TBCD: variants seen among roughly 807,000 people sequenced by gnomAD.
The protein encoded by TBCD is tubulin folding cofactor D.
In TBCD, 105 loss-of-function variants were observed where a neutral mutation model predicts 169.3. That is an observed-to-expected ratio of 0.62 (90% confidence interval 0.53 to 0.73). The LOEUF (loss-of-function observed/expected upper bound fraction) is 0.73, where lower values mean the gene tolerates loss of function less well. TBCD is among the 30% of genes least tolerant of loss of function. The pLI, the probability that TBCD is intolerant of heterozygous loss-of-function variation, is 0.00. For missense variants in TBCD, 1,444 were observed against 1,600.1 expected, an observed-to-expected ratio of 0.90 and a Z score of 1.66; for synonymous variants, 700 against 643.9, an observed-to-expected ratio of 1.09 and a Z score of -1.32.
rs1308572926 is a variant in TBCD at position 82,874,822 on chromosome 17, GACC to G, written c.1475+4445_1475+4447del. Among the ~76,000 whole-genome samples the G allele has an allele frequency of 6.6e-6, 1 of 152,202 alleles. No homozygotes were observed. The highest frequency in any genetic ancestry group is 2.4e-5 in the African/African-American group (1 of 41,452). On this transcript the variant is annotated intron_variant, in intron 14 of 38. Transcript: ENST00000355528. The surrounding 1 kb of genome is among the most constrained non-coding windows in gnomAD (Gnocchi z 5.0). Reference sequence around the variant, plus strand: ...CTCCCTCCCTTGGTTTGTCATAGGTGACCACATTTTAATTACCAGCTTTTATGC... The same window carrying G: ...CTCCCTCCCTTGGTTTGTCATAGGTGACATTTTAATTACCAGCTTTTATGC...
In TBCD at chr17:82,752,226, C is replaced by A. The variant is rs773849891; in HGVS notation, c.33C>A (p.Gly11=). 6.6e-7 allele frequency: 1 copy of A among 1,525,528 alleles called. No individual in the cohort carries two copies. The highest frequency in any genetic ancestry group is 1.2e-5 in the South Asian group (1 of 82,452). The allele number at this position is 1,525,528 out of a possible 1,614,324, so 94.5% of individuals were successfully genotyped here. The change falls in exon 1 of 39, where the codon GGC becomes GGA. Residue 11 remains glycine (G), a synonymous_variant. Transcript: ENST00000355528. MALSDEPAAG[G]PEEEAEDETL... is the part of the protein sequence containing the mutation. Reference sequence around the variant, plus strand: ...TGAGCGACGAACCGGCCGCGGGCGGCCCCGAGGAGGAGGCGGAGGACGAGA... The same window carrying A: ...TGAGCGACGAACCGGCCGCGGGCGGACCCGAGGAGGAGGCGGAGGACGAGA...
chr17:82,869,516 T>C (rs72634343), intron 13 of TBCD, among the ~76,000 whole-genome samples: 34,774 of 152,066 alleles, frequency 0.23, 4,331 homozygotes, highest in East Asian at 0.45. Context: ...CCAGACCCTG[T>C]CTCAAAAAAA....
chr17:82,865,001 G>T (rs1028977654), intron 13 of TBCD, among the ~76,000 whole-genome samples: 2 of 152,348 alleles, frequency 1.3e-5, no homozygotes, highest in Non-Finnish European at 2.9e-5. Flanking sequence ...GTGCAGCGTT[G>T]CAGGTGCAGC....
At chr17:82,768,332 C>T (rs1415291271) in intron 4 of TBCD, 88 bp from the exon 5 acceptor site, 2 of 1,498,754 alleles carry the variant, frequency 1.3e-6, no homozygotes, top group Non-Finnish European at 1.8e-6. Flanking sequence ...ATTGGGTGGG[C>T]ATGGAGGGCA....
intron 13 of TBCD, chr17:82,860,489 G>A: frequency 4.1e-6 from 4 of 965,576 alleles, no homozygotes; most frequent in Non-Finnish European, 4.9e-6. Context: ...AGGAGATCCT[G>A]AGGCTGATTA....
rs900798128 is a variant in TBCD, at chr17:82,795,505, A to T, written c.772-2252A>T. 49 of 984,528 alleles carry T rather than the reference A, an allele frequency of 5.0e-5. No individual in the cohort carries two copies. The South Asian group carries it at 1.9e-3, about 39-fold the overall frequency. The allele number at this position is 984,528 out of a possible 1,614,324, so 61.0% of individuals were successfully genotyped here. A position where few individuals can be genotyped will look rare whatever the true frequency, so the allele number is the denominator to read the frequency against. ...TCTGTAGCGGTCTTCGTTGTTGAGCACTTCACTGTTCATCCCCAGGTTCTC... is the reference window on the plus strand; with the variant it reads ...TCTGTAGCGGTCTTCGTTGTTGAGCTCTTCACTGTTCATCCCCAGGTTCTC... On this transcript the variant is annotated intron_variant, in intron 7 of 38. Transcript: ENST00000355528.
Position 82,923,424 on chromosome 17 carries a change from G to A in TBCD, c.2179-228G>A, listed in dbSNP as rs1005633651. 3.3e-5 allele frequency among the ~76,000 whole-genome samples: 5 copies of A among 152,148 alleles called. No homozygotes were observed. The highest frequency in any genetic ancestry group is 7.4e-5 in the Non-Finnish European group (5 of 68,022). On this transcript the variant is annotated intron_variant, in intron 25 of 38. Transcript: ENST00000355528. This position sits in a 1 kb window ranked among gnomAD's most constrained non-coding sequence, Gnocchi z 4.6. ...GGTGACCCGCTGTGTCCCTGGTCAG[G>A]TCCTTCTCTGACCTCAAGGGTGACC...
chr17:82,909,446 G>T (rs139486335), intron 22 of TBCD, 139 bp downstream of exon 22: 19 of 556,512 alleles, frequency 3.4e-5, no homozygotes, highest in African/African-American at 3.2e-4. Flanking sequence ...CACCCGGCCC[G>T]CTGTGGGAGG....
chr17:82,844,942 A>G (rs4986115), intron 13 of TBCD, among the ~76,000 whole-genome samples: 151,260 of 152,210 alleles, frequency 0.99, 75,165 homozygotes, highest in East Asian at 1. Context: ...GGTCGGGAAC[A>G]TGGCCGAGGT....
At chr17:82,911,627 G>A in intron 22 of TBCD, 131 bp from the exon 23 acceptor site, 1 of 873,586 alleles carries the variant, frequency 1.1e-6, no homozygotes, top group Non-Finnish European at 1.8e-6. Context: ...GGTTGCTCAT[G>A]CTCAGTAACA....
rs1465295465 is a variant in TBCD at position 82,831,149 on chromosome 17, T to C, written c.1318+16215T>C. On this transcript the variant is annotated intron_variant, in intron 13 of 38. Transcript: ENST00000355528. This position sits in a 1 kb window ranked among gnomAD's most constrained non-coding sequence, Gnocchi z 4.6. ...CTTCCCAGTGCGCTGGAGGCTGCCT[T>C]GTTGGAGAGGTCGTACAGGCCTTCG... 6.2e-7 allele frequency: 1 copy of C among 1,614,048 alleles called. No homozygotes were observed. Among genetic ancestry groups the C allele is most frequent in the Admixed American group, 1.7e-5 (1 of 60,010 alleles).
At chr17:82,780,953 G>A (rs2048907498) in intron 6 of TBCD, among the ~76,000 whole-genome samples, 1 of 151,998 alleles carries the variant, frequency 6.6e-6, no homozygotes, top group Non-Finnish European at 1.5e-5. Flanking sequence ...CCAGATTTGG[G>A]CTTTTGGTTT....
intron 14 of TBCD, among the ~76,000 whole-genome samples, chr17:82,873,454 G>C (rs8075467): frequency 5.9e-5 from 9 of 152,110 alleles, no homozygotes; most frequent in South Asian, 4.2e-4. Flanking sequence ...CCACTGGAGG[G>C]TGACTGTAAT....
chr17:82,830,913 G>A (rs756338989), intron 13 of TBCD: 3 of 1,612,872 alleles, frequency 1.9e-6, no homozygotes, highest in Non-Finnish European at 2.5e-6. Flanking sequence ...GTAGGAGCTT[G>A]CTTAGAAAAG....
At chr17:82,916,744 G>A (rs763460502) in intron 23 of TBCD, among the ~76,000 whole-genome samples, 12 of 152,004 alleles carry the variant, frequency 7.9e-5, no homozygotes, top group African/African-American at 1.2e-4. Flanking sequence ...CACTTTTACC[G>A]TGATATTCCT....
Position 82,922,373 on chromosome 17 carries a change from CAAAAACAAAAACAAAA to C in TBCD, c.2178+801_2178+816del, listed in dbSNP as rs1171887085. On this transcript the variant is annotated intron_variant, in intron 25 of 38. Transcript: ENST00000355528. This position sits in a 1 kb window ranked among gnomAD's most constrained non-coding sequence, Gnocchi z 4.1. Reference sequence around the variant, plus strand: ...CAAGACCCTGCCTCAAAAACAAAAACAAAAACAAAAACAAAAAAAACCATGGTTACCAACGTTGACT... The same window carrying C: ...CAAGACCCTGCCTCAAAAACAAAAACAAAACCATGGTTACCAACGTTGACT... Among the ~76,000 whole-genome samples the C allele has an allele frequency of 4.4e-5, 3 of 67,692 alleles. No homozygotes were observed. The highest frequency in any genetic ancestry group is 8.5e-5 in the Non-Finnish European group (3 of 35,232). The allele number at this position is 67,692 out of a possible 152,430, so 44.4% of individuals were successfully genotyped here. A position where few individuals can be genotyped will look rare whatever the true frequency, so the allele number is the denominator to read the frequency against.
At chr17:82,830,427 C>T (rs1298139075) in intron 13 of TBCD, 1 of 1,611,726 alleles carries the variant, frequency 6.2e-7, no homozygotes, top group African/African-American at 1.3e-5. Context: ...TCTGCTTCTG[C>T]TCCTCGCTGC....
intron 9 of TBCD, among the ~76,000 whole-genome samples, chr17:82,801,591 G>A (rs371611111): frequency 1.4e-4 from 20 of 142,010 alleles, no homozygotes; most frequent in African/African-American, 4.2e-4. Context: ...CTCGGTCAGC[G>A]TGGCAGGAGG....
intron 34 of TBCD, among the ~76,000 whole-genome samples, chr17:82,937,008 C>T (rs1211400071): frequency 6.6e-6 from 1 of 152,142 alleles, no homozygotes; most frequent in East Asian, 1.9e-4. Context: ...GGTGGGGCCC[C>T]GTGGGGGCTG....
Sources: gnomAD v4.1 joint callset for allele counts (sites outside exome capture counted in the v4.1 genomes callset) on GRCh38, gnomAD v4.1.1 for gene constraint, Gnocchi (gnomAD v3.1) non-coding constraint, MANE v1.5 for transcripts, NCBI Gene and HGNC (gene_info 2026-07-23, HGNC 2026-07-21) for gene names.